ZFP1: variants seen among roughly 807,000 people sequenced by gnomAD.
ZFP1 encodes the protein zinc finger protein 1 homolog.
In ZFP1, 32 loss-of-function variants were observed where a neutral mutation model predicts 38.5. The observed-to-expected ratio is 0.83, with a 90% CI of 0.63 to 1.12. The LOEUF (loss-of-function observed/expected upper bound fraction) is 1.12. ZFP1 is among the 50% of genes most tolerant of loss of function. The pLI is 0.00. For synonymous variants in ZFP1, 245 were observed against 168.8 expected, an observed-to-expected ratio of 1.45 and a Z score of -3.50; for missense variants, 616 against 480.8, an observed-to-expected ratio of 1.28 and a Z score of -2.63.
At chr16:75,165,908 T>C (rs1248132083) in intron 2 of ZFP1, among the ~76,000 whole-genome samples, 1 of 152,192 alleles carries the variant, frequency 6.6e-6, no homozygotes, top group Non-Finnish European at 1.5e-5. Context: ...GGCTCCTTAA[T>C]GTACCTTTTG....
chr16:75,170,573 C>T lies in ZFP1; in HGVS notation c.*239C>T, dbSNP rs1282039157. ...TAAATAGCCATACCCAGTTGTACTA[C>T]AATGAGCTTTTTAAAATCTTGAATG... On this transcript the variant is annotated 3_prime_UTR_variant, in exon 4 of 4. Coordinates refer to ENST00000570010, the MANE Select transcript of ZFP1 (RefSeq NM_153688.4). 1.3e-5 allele frequency: 6 copies of T among 464,640 alleles called. No homozygotes were observed. The highest frequency in any genetic ancestry group is 5.9e-5 in the African/African-American group (3 of 50,812). The allele number at this position is 464,640 out of a possible 1,614,324, so 28.8% of individuals were successfully genotyped here. A position where few individuals can be genotyped will look rare whatever the true frequency, so the allele number is the denominator to read the frequency against.
chr16:75,123,455 G>GTATATATATATATATA, the ZFP1 span, among the ~76,000 whole-genome samples: 5 of 87,286 alleles, frequency 5.7e-5, no homozygotes, highest in Non-Finnish European at 8.5e-5. Context: ...GTGTGTATAT[G>GTATATATATATATATA]TATATATATA....
At chr16:75,164,887 C>T (rs553149601) in intron 2 of ZFP1, among the ~76,000 whole-genome samples, 1 of 151,868 alleles carries the variant, frequency 6.6e-6, no homozygotes, top group Admixed American at 6.6e-5. Flanking sequence ...CTTACCGCAA[C>T]GTCCACTTCC....
chr16:75,161,425 G>A (rs937054952), intron 2 of ZFP1, among the ~76,000 whole-genome samples: 4 of 151,652 alleles, frequency 2.6e-5, no homozygotes, highest in Non-Finnish European at 4.4e-5. Context: ...CAGCATGATC[G>A]TAAATGTGTG....
Position 75,171,014 on chromosome 16 carries a change from C to G in ZFP1, c.*680C>G, listed in dbSNP as rs1267878084. On this transcript the variant is annotated 3_prime_UTR_variant, in exon 4 of 4. Transcript: ENST00000570010. Reference sequence around the variant, plus strand: ...AGATTTTCTAGAAGCACTATTTACACAAATATGCAAATGTGAAATAACCGA... The same window carrying G: ...AGATTTTCTAGAAGCACTATTTACAGAAATATGCAAATGTGAAATAACCGA... 1 of 13,962 alleles carries G rather than the reference C, an allele frequency of 7.2e-5. No individual in the cohort carries two copies. The highest frequency in any genetic ancestry group is 3.8e-4 in the Non-Finnish European group (1 of 2,652). 0.9% of individuals were successfully genotyped at this position (13,962 alleles called of 1,614,324 possible).
At chr16:75,122,925 C>T in the ZFP1 span, among the ~76,000 whole-genome samples, 3 of 151,962 alleles carry the variant, frequency 2.0e-5, no homozygotes, top group East Asian at 5.8e-4. Flanking sequence ...TAATGACAAG[C>T]ACAGTTTTTA....
chr16:75,162,300 T>C (rs1344142384), intron 2 of ZFP1, among the ~76,000 whole-genome samples: 2 of 151,826 alleles, frequency 1.3e-5, no homozygotes, highest in Non-Finnish European at 2.9e-5. Context: ...TTGTATTTTT[T>C]TTTTTAGAGA....
chr16:75,123,814 AGGTGT>A, the ZFP1 span, among the ~76,000 whole-genome samples: 9 of 148,832 alleles, frequency 6.0e-5, no homozygotes, highest in Non-Finnish European at 1.0e-4. Flanking sequence ...TGTCCCAGCC[AGGTGT>A]GGTGGCTCAC....
At chr16:75,163,920 A>C (rs62061177) in intron 2 of ZFP1, among the ~76,000 whole-genome samples, 11,149 of 152,194 alleles carry the variant, frequency 0.073, 533 homozygotes, top group Non-Finnish European at 0.11. Context: ...TGTTTATGTC[A>C]CCTCACTCAA....
In ZFP1 at chr16:75,169,562, G is replaced by T; in HGVS notation, c.452G>T (p.Ser151Ile). The change falls in exon 4 of 4, where the codon AGT becomes ATT. Residue 151 changes from serine to isoleucine, a missense_variant. Coordinates refer to ENST00000570010, the MANE Select transcript of ZFP1 (RefSeq NM_153688.4). ...TACCTGAAGCAAGAGAAAACCCACA[G>T]TGGAGTAGAATATTCTGAATACAAT... ...LLYLKQEKTH[S>I]GVEYSEYNKS... 6.2e-7 allele frequency: 1 copy of T among 1,610,862 alleles called. No homozygotes were observed. The highest frequency in any genetic ancestry group is 8.5e-7 in the Non-Finnish European group (1 of 1,179,346).
chr16:75,170,009 A>G lies in ZFP1; in HGVS notation c.899A>G (p.Glu300Gly). The stretch of plus-strand genomic sequence containing the variant: ...GGAGAGCGACCCTATGAGTGTAACG[A>G]ATGTGCAAAAACCTTCTTTAAGAAG... ...HTGERPYECN[E>G]CAKTFFKKSN... Residue 300 changes from glutamate to glycine, a missense_variant, in exon 4 of 4, where the codon GAA becomes GGA. Coordinates refer to ENST00000570010, the MANE Select transcript of ZFP1 (RefSeq NM_153688.4). 1 of 1,614,198 alleles carries G rather than the reference A, an allele frequency of 6.2e-7. No individual in the cohort carries two copies. Among genetic ancestry groups the G allele is most frequent in the Admixed American group, 1.7e-5 (1 of 60,018 alleles).
At chr16:75,137,098 A>G in the ZFP1 span, among the ~76,000 whole-genome samples, 5 of 152,080 alleles carry the variant, frequency 3.3e-5, no homozygotes, top group Non-Finnish European at 5.9e-5. Flanking sequence ...TTTTAGGACA[A>G]GGGGAAGGAA....
At chr16:75,167,448 C>T (rs1165227534) in intron 3 of ZFP1, among the ~76,000 whole-genome samples, 2 of 151,962 alleles carry the variant, frequency 1.3e-5, no homozygotes, top group African/African-American at 4.8e-5. Flanking sequence ...ACACTTGAAC[C>T]CTGAAACTTT....
At chr16:75,129,182 CT>C in the ZFP1 span, among the ~76,000 whole-genome samples, 1 of 152,112 alleles carries the variant, frequency 6.6e-6, no homozygotes, top group Admixed American at 6.6e-5. Context: ...TGTTGTTGTT[CT>C]CCTTTCCTCC....
At chr16:75,124,164 A>C in the ZFP1 span, among the ~76,000 whole-genome samples, 6 of 151,538 alleles carry the variant, frequency 4.0e-5, no homozygotes, top group Non-Finnish European at 8.8e-5. Flanking sequence ...TGTCTAATTG[A>C]AAGTTTTTTT....
Position 75,165,718 on chromosome 16 carries a change from A to AT in ZFP1, c.16-1040dup, listed in dbSNP as rs573507213. Among the ~76,000 whole-genome samples the AT allele has an allele frequency of 2.1e-3, 308 of 145,876 alleles. 2 individuals carry two copies. The highest frequency in any genetic ancestry group is 5.7e-3 in the African/African-American group (227 of 39,890). On this transcript the variant is annotated intron_variant, in intron 2 of 3. Coordinates refer to ENST00000570010, the MANE Select transcript of ZFP1 (RefSeq NM_153688.4). ...AAATCAGTTTTGTTATATGCTGAGT[A>AT]TTTTTTTTTTTTAATGTACTTATTG...
At chr16:75,146,011 CT>C (rs1288464869), upstream of ZFP1, among the ~76,000 whole-genome samples, 1 of 152,208 alleles carries the variant, frequency 6.6e-6, no homozygotes, top group Non-Finnish European at 1.5e-5. Context: ...CACCCTGGCC[CT>C]GGCACCCACT....
At chr16:75,154,485 A>G (rs1254280604) in intron 2 of ZFP1, among the ~76,000 whole-genome samples, 1 of 151,994 alleles carries the variant, frequency 6.6e-6, no homozygotes, top group African/African-American at 2.4e-5. Context: ...CACTAAGAAT[A>G]TAATTAATTT....
the ZFP1 span, among the ~76,000 whole-genome samples, chr16:75,142,729 G>A: frequency 1.8e-4 from 27 of 152,146 alleles, no homozygotes; most frequent in Non-Finnish European, 3.5e-4. Flanking sequence ...TTGAGACAGA[G>A]TCTCACTTTG....
Sources: gnomAD v4.1 joint callset for allele counts (sites outside exome capture counted in the v4.1 genomes callset) on GRCh38, gnomAD v4.1.1 for gene constraint, MANE v1.5 for transcripts, NCBI Gene and HGNC (gene_info 2026-07-23, HGNC 2026-07-21) for gene names.